CDC14B: variants seen among roughly 807,000 people sequenced by gnomAD.
CDC14B encodes cell division cycle 14B, also known as dual specificity protein phosphatase CDC14B.
In CDC14B, 22 loss-of-function variants were observed where a neutral mutation model predicts 64.2. That is an observed-to-expected ratio of 0.34 (90% CI 0.24 to 0.49). CDC14B has a LOEUF of 0.49. Ranked by LOEUF, CDC14B falls within the 20% of genes least tolerant of loss-of-function variation. The pLI is 0.99. For missense variants in CDC14B, 498 were observed against 629.9 expected, an observed-to-expected ratio of 0.79 and a Z score of 2.24; for synonymous variants, 191 against 215.8, an observed-to-expected ratio of 0.89 and a Z score of 1.01.
chr9:96,552,375 C>T (rs1841944891), intron 4 of CDC14B, among the ~76,000 whole-genome samples: 2 of 152,218 alleles, frequency 1.3e-5, no homozygotes, highest in South Asian at 4.1e-4. Context: ...GTTTTCGACG[C>T]TCATTGACTT....
In CDC14B at chr9:96,619,719, C is replaced by G. The variant is rs1847856873; in HGVS notation, c.-341G>C. The G allele has an allele frequency of 6.6e-6, 1 of 150,466 alleles. No homozygotes were observed. The highest frequency in any genetic ancestry group is 6.6e-5 in the Admixed American group (1 of 15,146). The allele number at this position is 150,466 out of a possible 1,614,324, so 9.3% of individuals were successfully genotyped here. A position where few individuals can be genotyped will look rare whatever the true frequency, so the allele number is the denominator to read the frequency against. ...AGGCGACGGGGCTGCAGCTGGCGGC[C>G]GGAGCTGCCCGGGGTAACCGTGCGT... On this transcript the variant is annotated 5_prime_UTR_variant, in exon 1 of 14. Transcript: ENST00000375241.
intron 1 of CDC14B, among the ~76,000 whole-genome samples, chr9:96,605,041 T>C (rs950870902): frequency 6.6e-6 from 1 of 152,072 alleles, no homozygotes; most frequent in African/African-American, 2.4e-5. Context: ...CCCTGTCACA[T>C]GCATATGCTT....
At chr9:96,601,120 C>T (rs540425614) in intron 1 of CDC14B, among the ~76,000 whole-genome samples, 1 of 152,116 alleles carries the variant, frequency 6.6e-6, no homozygotes, top group African/African-American at 2.4e-5. Context: ...GTATATGCGA[C>T]ATAGCAAGAC....
At chr9:96,493,455 G>C (rs1833138169) in intron 13 of CDC14B, among the ~76,000 whole-genome samples, 1 of 152,260 alleles carries the variant, frequency 6.6e-6, no homozygotes, top group Non-Finnish European at 1.5e-5. Context: ...GTTGTGGATG[G>C]AGGATGAGGT....
intron 1 of CDC14B, among the ~76,000 whole-genome samples, chr9:96,590,971 A>C (rs1387403772): frequency 6.6e-6 from 1 of 152,110 alleles, no homozygotes; most frequent in Non-Finnish European, 1.5e-5. Flanking sequence ...TTCATTTGTT[A>C]AGTTGCAGGA....
Position 96,566,320 on chromosome 9 carries a change from G to A in CDC14B, c.161-837C>T, listed in dbSNP as rs111994083. ...AGCCTTTAAAATATATATACTTTCA[G>A]CAGAGCCAGCTGGCACCCTTTCCCC... On this transcript the variant is annotated intron_variant, in intron 1 of 13. Coordinates refer to ENST00000375241, the MANE Select transcript of CDC14B (RefSeq NM_033331.4). Among the ~76,000 whole-genome samples, 1,097 of 150,842 alleles carry A rather than the reference G, an allele frequency of 7.3e-3. 19 individuals carry two copies. The highest frequency in any genetic ancestry group is 0.025 in the African/African-American group (1,019 of 41,064).
rs543263802 is a variant in CDC14B at position 96,558,320 on chromosome 9, A to C, written c.420+4373T>G. 7.9e-5 allele frequency among the ~76,000 whole-genome samples: 12 copies of C among 152,376 alleles called. No individual in the cohort carries two copies. The South Asian group carries it at 2.5e-3, about 32-fold the overall frequency. On this transcript the variant is annotated intron_variant, in intron 4 of 13. Coordinates refer to ENST00000375241, the MANE Select transcript of CDC14B (RefSeq NM_033331.4). ...GATTTAAAATGCTCTCAACACAAAG[A>C]AATGACAAATGTTTGAGGCGATGGA... is the stretch of plus-strand genomic sequence containing the variant.
intron 1 of CDC14B, among the ~76,000 whole-genome samples, chr9:96,566,304 A>T (rs1843911049): frequency 6.6e-6 from 1 of 152,182 alleles, no homozygotes; most frequent in African/African-American, 2.4e-5. Flanking sequence ...CAGCCTTTAA[A>T]ATATATATAC....
chr9:96,492,970 G>T (rs761912483), exon 14 of CDC14B: 1 of 152,244 alleles, frequency 6.6e-6, no homozygotes, highest in Admixed American at 6.5e-5. Context: ...TTCATTCCAC[G>T]CAAGGTGGGC....
At chr9:96,526,095 C>T (rs1418294576) in intron 9 of CDC14B, among the ~76,000 whole-genome samples, 3 of 152,054 alleles carry the variant, frequency 2.0e-5, no homozygotes, top group East Asian at 1.9e-4. Context: ...AGGCCGGGTG[C>T]GGTGGCTCAC....
intron 4 of CDC14B, among the ~76,000 whole-genome samples, chr9:96,554,553 T>C (rs1181747725): frequency 2.0e-5 from 3 of 152,102 alleles, no homozygotes; most frequent in African/African-American, 7.2e-5. Context: ...TTTTTTCCTA[T>C]GGGGGAAAAA....
chr9:96,529,154 C>T (rs1311605043), intron 9 of CDC14B, among the ~76,000 whole-genome samples: 2 of 152,110 alleles, frequency 1.3e-5, no homozygotes, highest in African/African-American at 4.8e-5. Context: ...ATATTACTGC[C>T]AAATCTAATG....
In CDC14B at chr9:96,591,466, T is replaced by C. The variant is rs552846191; in HGVS notation, c.161-25983A>G. ...TGTCCTCATGCCAGTATCATACTGC[T>C]TTGATTACTGTGGCTTTGTAATATA... On this transcript the variant is annotated intron_variant, in intron 1 of 13. Coordinates refer to ENST00000375241, the MANE Select transcript of CDC14B (RefSeq NM_033331.4). 3.3e-5 allele frequency among the ~76,000 whole-genome samples: 5 copies of C among 152,320 alleles called. 1 individual carries two copies. The South Asian group carries it at 1.0e-3, about 32-fold the overall frequency.
chr9:96,502,662 T>C lies in CDC14B; in HGVS notation c.*1091A>G, dbSNP rs778631698. The C allele has an allele frequency of 2.6e-6, 1 of 386,620 alleles. No homozygotes were observed. Among genetic ancestry groups the C allele is most frequent in the Non-Finnish European group, 4.6e-6 (1 of 219,226 alleles). The allele number at this position is 386,620 out of a possible 1,614,324, so 23.9% of individuals were successfully genotyped here. Reference sequence around the variant, plus strand: ...AACTGCTTCATGGCACAGACTCTGCTGTGTTCCAGTAGGGCTGCGGGAGAA... The same window carrying C: ...AACTGCTTCATGGCACAGACTCTGCCGTGTTCCAGTAGGGCTGCGGGAGAA... On this transcript the variant is annotated 3_prime_UTR_variant, in exon 14 of 14. Transcript: ENST00000375241.
At chr9:96,554,347 T>A (rs1842227132) in intron 4 of CDC14B, among the ~76,000 whole-genome samples, 1 of 152,164 alleles carries the variant, frequency 6.6e-6, no homozygotes, top group African/African-American at 2.4e-5. Flanking sequence ...ATTATACAAA[T>A]TTTTCCTTAA....
intron 13 of CDC14B, among the ~76,000 whole-genome samples, chr9:96,505,456 G>A (rs765875785): frequency 2.6e-5 from 4 of 152,298 alleles, no homozygotes; most frequent in East Asian, 3.9e-4. Context: ...ACGCACCAGC[G>A]GAAGGGCTGC....
chr9:96,578,623 A>AC (rs1844945760), intron 1 of CDC14B, among the ~76,000 whole-genome samples: 1 of 152,150 alleles, frequency 6.6e-6, no homozygotes, highest in Non-Finnish European at 1.5e-5. Flanking sequence ...AAAATAGCTG[A>AC]CCCATTCTCC....
At chr9:96,555,948 C>T (rs1842448711) in intron 4 of CDC14B, among the ~76,000 whole-genome samples, 1 of 152,028 alleles carries the variant, frequency 6.6e-6, no homozygotes, top group African/African-American at 2.4e-5. Context: ...ATTGAACTAG[C>T]AGTGATGGAA....
chr9:96,534,918 G>A (rs1839063675), intron 7 of CDC14B, among the ~76,000 whole-genome samples: 1 of 152,166 alleles, frequency 6.6e-6, no homozygotes, highest in Non-Finnish European at 1.5e-5. Context: ...GAACTTCCCT[G>A]TTTTCCTGAA....
Sources: gnomAD v4.1 joint callset for allele counts (sites outside exome capture counted in the v4.1 genomes callset) on GRCh38, gnomAD v4.1.1 for gene constraint, MANE v1.5 for transcripts, NCBI Gene and HGNC (gene_info 2026-07-23, HGNC 2026-07-21) for gene names.